Variants in LARGE1 observed in about 807,000 individuals in gnomAD.
The protein encoded by LARGE1 is LARGE xylosyl- and glucuronyltransferase 1, also known as xylosyl- and glucuronyltransferase LARGE1.
Under a neutral mutation model 87.6 loss-of-function variants are expected in LARGE1, and 43 were observed. The observed-to-expected ratio is 0.49, with a 90% CI of 0.38 to 0.63. LARGE1 has a LOEUF of 0.63. Ranked by LOEUF, LARGE1 falls within the 30% of genes least tolerant of loss-of-function variation. LARGE1 has a pLI of 0.00. For synonymous variants in LARGE1, 434 were observed against 394.6 expected (o/e 1.10, Z -1.18); for missense variants, 802 against 1,000.2 (o/e 0.80, Z 2.67).
intron 11 of LARGE1, among the ~76,000 whole-genome samples, chr22:33,185,957 T>C (rs1006092239): frequency 4.6e-5 from 7 of 152,146 alleles, no homozygotes; most frequent in African/African-American, 1.7e-4. Flanking sequence ...CTAGAATTTC[T>C]ACCTTATCAA....
intron 11 of LARGE1, among the ~76,000 whole-genome samples, chr22:33,182,262 T>C (rs76507259): frequency 0.013 from 1,922 of 152,348 alleles, 37 homozygotes; most frequent in African/African-American, 0.044. Flanking sequence ...ATTAGGGTTC[T>C]ACAGTCCCAC....
intron 1 of LARGE1, among the ~76,000 whole-genome samples, chr22:33,896,589 A>C (rs2065151286): frequency 6.6e-6 from 1 of 152,198 alleles, no homozygotes; most frequent in Non-Finnish European, 1.5e-5. Context: ...GACTGAGAGC[A>C]ACGTCCTATT....
intron 12 of LARGE1, among the ~76,000 whole-genome samples, chr22:33,296,980 G>A (rs1397900896): frequency 6.6e-6 from 1 of 152,150 alleles, no homozygotes; most frequent in Admixed American, 6.5e-5. Context: ...CAGGTGAAAG[G>A]GCTCATAACA....
chr22:33,307,207 A>G (rs558130836), intron 11 of LARGE1, among the ~76,000 whole-genome samples: 2 of 152,292 alleles, frequency 1.3e-5, no homozygotes, highest in East Asian at 3.9e-4. Flanking sequence ...TGTGGCTATC[A>G]TATTTAATCC....
At chr22:33,369,985 T>C (rs1672094947) in intron 9 of LARGE1, among the ~76,000 whole-genome samples, 1 of 152,090 alleles carries the variant, frequency 6.6e-6, no homozygotes, top group Non-Finnish European at 1.5e-5. Flanking sequence ...GCTTTACATA[T>C]TACAACAGCT....
At chr22:33,265,940 T>A (rs1927909162) in intron 11 of LARGE1, among the ~76,000 whole-genome samples, 1 of 152,122 alleles carries the variant, frequency 6.6e-6, no homozygotes, top group Non-Finnish European at 1.5e-5. Flanking sequence ...CACAAACGAT[T>A]CATATACACA....
chr22:33,555,867 T>A (rs2077660686), intron 6 of LARGE1, among the ~76,000 whole-genome samples: 1 of 150,614 alleles, frequency 6.6e-6, no homozygotes, highest in African/African-American at 2.5e-5. Flanking sequence ...GAGGTGGAGG[T>A]TGCAGTGAGT....
intron 2 of LARGE1, among the ~76,000 whole-genome samples, chr22:33,710,155 C>A (rs2082689770): frequency 6.6e-6 from 1 of 150,680 alleles, no homozygotes; most frequent in African/African-American, 2.5e-5. Context: ...GACAATAGCT[C>A]ATGACAGCAA....
rs763053979 is a variant in LARGE1, at chr22:33,650,551, T to G, written c.224A>C (p.Glu75Ala). 21 of 1,609,446 alleles carry G rather than the reference T, an allele frequency of 1.3e-5. No individual in the cohort carries two copies. Among genetic ancestry groups the G allele is most frequent in the East Asian group, 2.2e-5 (1 of 44,882 alleles). ...LEVRMREVEE[E>A]NRALRRQLSL... ...GAGCTGCCTGCGGAGGGCGCGGTTC[T>G]CCTCCTCCACCTCGCGCATGCGCAC... is the stretch of plus-strand genomic sequence containing the variant. The change falls in exon 3 of 15, where the codon GAG (glutamate) becomes GCG (alanine). Residue 75 changes from glutamate to alanine, a missense_variant. By Grantham distance (107) the Glu-to-Ala change is moderately radical (BLOSUM62 -1). Transcript: ENST00000397394.
rs201719291 is a variant in LARGE1 at position 33,351,632 on chromosome 22, TA to T, written c.1132-13832del. 7.5e-3 allele frequency among the ~76,000 whole-genome samples: 1,141 copies of T among 152,206 alleles called. 8 individuals are homozygous for T. Among genetic ancestry groups the T allele is most frequent in the Middle Eastern group, 0.027 (8 of 294 alleles). ...ATCTTTAATTACAGAGAAATTCTAA[TA>T]ATATATGTAGATACTACTACCCCCT... On this transcript the variant is annotated intron_variant, in intron 9 of 14. Coordinates refer to ENST00000397394, the MANE Select transcript of LARGE1 (RefSeq NM_133642.5).
chr22:33,198,193 A>T (rs1217607376), intron 11 of LARGE1, among the ~76,000 whole-genome samples: 1 of 152,182 alleles, frequency 6.6e-6, no homozygotes, highest in African/African-American at 2.4e-5. Context: ...AATTTTTAAA[A>T]ATATAACAAG....
chr22:33,833,656 G>A (rs1053272947), intron 1 of LARGE1, among the ~76,000 whole-genome samples: 3 of 152,160 alleles, frequency 2.0e-5, no homozygotes, highest in Non-Finnish European at 4.4e-5. Flanking sequence ...GTCAGTCTTT[G>A]TGCACAATTA....
At chr22:33,878,971 CTT>C (rs2064572733) in intron 1 of LARGE1, among the ~76,000 whole-genome samples, 2 of 150,612 alleles carry the variant, frequency 1.3e-5, no homozygotes, top group African/African-American at 4.9e-5. Flanking sequence ...TTCTTTTCTT[CTT>C]CTTCTTCTTC....
chr22:33,857,163 C>T (rs1414687732), intron 1 of LARGE1, among the ~76,000 whole-genome samples: 1 of 152,198 alleles, frequency 6.6e-6, no homozygotes, highest in African/African-American at 2.4e-5. Flanking sequence ...GGGATCCGCC[C>T]TTCTCAGCCT....
intron 4 of LARGE1, among the ~76,000 whole-genome samples, chr22:33,606,743 C>T (rs907667184): frequency 2.0e-5 from 3 of 152,080 alleles, no homozygotes; most frequent in Non-Finnish European, 2.9e-5. Flanking sequence ...TCAGACATAC[C>T]CACACTGCCC....
At chr22:33,337,854 C>A in intron 9 of LARGE1, 53 bp from the exon 10 acceptor site, 1 of 1,585,456 alleles carries the variant, frequency 6.3e-7, no homozygotes, top group Non-Finnish European at 8.7e-7. Context: ...GGTGGGGATC[C>A]CTCACACCTG....
At chr22:33,878,361 C>A (rs1023356811) in intron 1 of LARGE1, among the ~76,000 whole-genome samples, 5 of 151,716 alleles carry the variant, frequency 3.3e-5, no homozygotes, top group African/African-American at 1.2e-4. Flanking sequence ...AAACTCCTGA[C>A]CTTGTGATCC....
rs148873206 is a variant in LARGE1 at position 33,850,553 on chromosome 22, C to T, written c.-83+69442G>A. Among the ~76,000 whole-genome samples the T allele has an allele frequency of 1.7e-4, 26 of 152,324 alleles. No individual in the cohort carries two copies. The East Asian group carries it at 3.5e-3, about 20-fold the overall frequency. On this transcript the variant is annotated intron_variant, in intron 1 of 14. Coordinates refer to ENST00000397394, the MANE Select transcript of LARGE1 (RefSeq NM_133642.5). The stretch of plus-strand genomic sequence containing the variant: ...AATCCAGTGTCCAGCATATAACAAA[C>T]ACCTAATAAATGACAGACAGTCGTA...
chr22:33,862,870 T>C (rs1440157673), intron 1 of LARGE1, among the ~76,000 whole-genome samples: 1 of 152,210 alleles, frequency 6.6e-6, no homozygotes, highest in Non-Finnish European at 1.5e-5. Context: ...TTGATGTTCC[T>C]ACTATACCTA....
Sources: gnomAD v4.1 joint callset for allele counts (sites outside exome capture counted in the v4.1 genomes callset) on GRCh38, gnomAD v4.1.1 for gene constraint, MANE v1.5 for transcripts, NCBI Gene and HGNC (gene_info 2026-07-23, HGNC 2026-07-21) for gene names.